Variants in PPP1R12A observed in about 807,000 individuals in gnomAD.
PPP1R12A encodes the protein myosin binding subunit.
Under a neutral mutation model 139.6 loss-of-function variants are expected in PPP1R12A, and 19 were observed. That is an observed-to-expected ratio of 0.14 (90% CI 0.09 to 0.20). The LOEUF (loss-of-function observed/expected upper bound fraction) is 0.20, where lower values mean the gene tolerates loss of function less well. PPP1R12A is among the 10% of genes least tolerant of loss of function. The pLI is 1.00. For missense variants in PPP1R12A, 925 were observed against 1,211.5 expected (o/e 0.76, Z 3.51); for synonymous variants, 427 against 420.6 (o/e 1.02, Z -0.19).
intron 5 of PPP1R12A, among the ~76,000 whole-genome samples, chr12:79,822,833 A>G (rs1488145923): frequency 7.3e-6 from 1 of 137,838 alleles, no homozygotes; most frequent in African/African-American, 2.8e-5. Context: ...TTTTTTGCCT[A>G]TGATGAATAA....
intron 19 of PPP1R12A, among the ~76,000 whole-genome samples, chr12:79,792,553 T>G (rs951338143): frequency 6.6e-6 from 1 of 152,216 alleles, no homozygotes; most frequent in Non-Finnish European, 1.5e-5. Flanking sequence ...CTACTTAAAT[T>G]GAAAATAAAA....
intron 19 of PPP1R12A, among the ~76,000 whole-genome samples, chr12:79,792,861 G>A (rs1376505910): frequency 2.0e-5 from 3 of 152,098 alleles, no homozygotes; most frequent in Non-Finnish European, 2.9e-5. Context: ...AACAGTTAAA[G>A]CTTTAGGCCT....
At chr12:79,832,759 T>C (rs1478283259) in intron 3 of PPP1R12A, among the ~76,000 whole-genome samples, 1 of 152,150 alleles carries the variant, frequency 6.6e-6, no homozygotes, top group East Asian at 1.9e-4. Flanking sequence ...TCTTGTTTTT[T>C]AAAAATTTGA....
rs1329188417 is a variant in PPP1R12A at position 79,934,941 on chromosome 12, T to G, written c.-10A>C. 6.4e-7 allele frequency: 1 copy of G among 1,573,906 alleles called. No individual in the cohort carries two copies. Among genetic ancestry groups the G allele is most frequent in the Non-Finnish European group, 8.6e-7 (1 of 1,157,938 alleles). ...CGTCCGCCATCTTCATCCCCTCTCC[T>G]GCCGCCGGGTCTTCTTATCGCGAGG... is the stretch of plus-strand genomic sequence containing the variant. On this transcript the variant is annotated 5_prime_UTR_variant, in exon 1 of 25. Coordinates refer to ENST00000450142, the MANE Select transcript of PPP1R12A (RefSeq NM_002480.3).
intron 18 of PPP1R12A, 137 bp from the exon 19 acceptor site, chr12:79,794,065 G>T: frequency 1.6e-6 from 1 of 625,674 alleles, no homozygotes. Flanking sequence ...AGATGTCTAG[G>T]ATTTTCTTCT....
chr12:79,878,260 T>C (rs1329435712), intron 1 of PPP1R12A: 1 of 151,572 alleles, frequency 6.6e-6, no homozygotes, highest in East Asian at 1.9e-4. Context: ...TCACTTAAAA[T>C]ACCTATTCCT....
In PPP1R12A at chr12:79,806,327, GGAGC is replaced by G. The variant is rs1565749758; in HGVS notation, c.1658_1661del (p.Cys553SerfsTer9). The stretch of plus-strand genomic sequence containing the variant: ...TCAAATCATCTTGTCTTCTACCAAA[GGAGC>G]AACTAAACAAAAGAGTCATATCTAT... On this transcript the variant is annotated frameshift_variant and splice_region_variant, in exon 13 of 25. Coordinates refer to ENST00000450142, the MANE Select transcript of PPP1R12A (RefSeq NM_002480.3). LOFTEE classifies it high-confidence loss of function. The G allele has an allele frequency of 1.9e-6, 3 of 1,613,156 alleles. No homozygotes were observed. The highest frequency in any genetic ancestry group is 3.3e-5 in the Admixed American group (2 of 59,970).
intron 5 of PPP1R12A, among the ~76,000 whole-genome samples, chr12:79,826,360 G>A (rs1240636183): frequency 1.0e-4 from 2 of 19,184 alleles, no homozygotes; most frequent in Admixed American, 1.2e-3. Context: ...TTTTTTTTTT[G>A]AGCAGGGTCT....
intron 1 of PPP1R12A, among the ~76,000 whole-genome samples, chr12:79,931,272 CA>C (rs1407179850): frequency 6.6e-6 from 1 of 152,054 alleles, no homozygotes; most frequent in Non-Finnish European, 1.5e-5. Flanking sequence ...CATTCTATGG[CA>C]AAGGGGGTGA....
rs372819640 is a variant in PPP1R12A at position 79,840,156 on chromosome 12, T to C, written c.487+5146A>G. Among the ~76,000 whole-genome samples, 133 of 152,322 alleles carry C rather than the reference T, an allele frequency of 8.7e-4. 3 individuals carry two copies. The highest frequency in any genetic ancestry group is 3.0e-3 in the African/African-American group (126 of 41,586). On this transcript the variant is annotated intron_variant, in intron 3 of 24. Coordinates refer to ENST00000450142, the MANE Select transcript of PPP1R12A (RefSeq NM_002480.3). ...ATAGCACTACCACTTCCTACCTGTATGATCTTGGGTAAATCACTAAGCCTC... is the reference window on the plus strand; with the variant it reads ...ATAGCACTACCACTTCCTACCTGTACGATCTTGGGTAAATCACTAAGCCTC...
At chr12:79,830,017 TGAA>T (rs1009439037) in intron 4 of PPP1R12A, among the ~76,000 whole-genome samples, 3 of 152,024 alleles carry the variant, frequency 2.0e-5, no homozygotes, top group Admixed American at 1.3e-4. Context: ...AGAGAAAATG[TGAA>T]GAAGGTTACA....
At chr12:79,777,108 CATT>C (rs1869822081) in intron 24 of PPP1R12A, 2 of 882,634 alleles carry the variant, frequency 2.3e-6, no homozygotes, top group African/African-American at 1.8e-5. Context: ...CTTCAAATGA[CATT>C]ATTTTGAAAA....
chr12:79,833,849 A>AG (rs1592686492), intron 3 of PPP1R12A, among the ~76,000 whole-genome samples: 1 of 150,484 alleles, frequency 6.6e-6, no homozygotes, highest in East Asian at 1.9e-4. Context: ...AGAAAAGGAA[A>AG]AAAAAAAAAA....
At chr12:79,852,543 T>C (rs1880178141) in intron 2 of PPP1R12A, among the ~76,000 whole-genome samples, 1 of 152,186 alleles carries the variant, frequency 6.6e-6, no homozygotes, top group South Asian at 2.1e-4. Context: ...TATAAGACTC[T>C]AGATCTTACT....
At position 79,829,904 on chromosome 12, in the gene PPP1R12A, A is replaced by C. The variant is rs1427440285; in HGVS notation, c.648-1440T>G. On this transcript the variant is annotated intron_variant, in intron 4 of 24. Transcript: ENST00000450142. ...GAGCTTTTACTGGAAGTGAAACAACAACCAACTCTCAAGCATAGGTTCTAT... is the reference window on the plus strand; with the variant it reads ...GAGCTTTTACTGGAAGTGAAACAACCACCAACTCTCAAGCATAGGTTCTAT... 2.0e-5 allele frequency among the ~76,000 whole-genome samples: 3 copies of C among 152,272 alleles called. No individual in the cohort carries two copies. In the East Asian group the frequency reaches 5.8e-4, roughly 29 times the overall value.
At chr12:79,925,517 C>T (rs1412073867) in intron 1 of PPP1R12A, among the ~76,000 whole-genome samples, 1 of 152,128 alleles carries the variant, frequency 6.6e-6, no homozygotes, top group African/African-American at 2.4e-5. Flanking sequence ...TTAAGTGAAG[C>T]TCTCTCTGCA....
intron 2 of PPP1R12A, among the ~76,000 whole-genome samples, chr12:79,858,408 T>A (rs1880929639): frequency 6.6e-6 from 1 of 152,240 alleles, no homozygotes; most frequent in African/African-American, 2.4e-5. Flanking sequence ...GTGCCAAGTG[T>A]CTTATACACA....
intron 2 of PPP1R12A, among the ~76,000 whole-genome samples, 180 bp from the exon 3 acceptor site, chr12:79,845,600 T>C (rs767195451): frequency 6.6e-6 from 1 of 152,150 alleles, no homozygotes; most frequent in Non-Finnish European, 1.5e-5. Context: ...TCCCAGCACT[T>C]TGGGAGGCCA....
intron 2 of PPP1R12A, among the ~76,000 whole-genome samples, chr12:79,859,810 C>T (rs1164156036): frequency 2.0e-5 from 3 of 152,104 alleles, no homozygotes; most frequent in African/African-American, 7.2e-5. Flanking sequence ...CTAGCTACCG[C>T]TGCTGAGGCA....
Sources: allele counts gnomAD v4.1 joint callset (sites outside exome capture counted in the v4.1 genomes callset), GRCh38; gene constraint gnomAD v4.1.1; transcripts MANE v1.5; gene names NCBI Gene and HGNC (gene_info 2026-07-23, HGNC 2026-07-21).